PAPSS1: variants seen among roughly 807,000 people sequenced by gnomAD.
The protein encoded by PAPSS1 is bifunctional 3'-phosphoadenosine 5'-phosphosulfate synthase 1.
PAPSS1 carries 50 observed loss-of-function variants against 72.0 expected under a neutral mutation model. The ratio of observed to expected loss-of-function variants is 0.69; its 90% CI spans 0.55 to 0.88. PAPSS1 has a LOEUF of 0.88. Among genes scored for constraint, PAPSS1 ranks in the 40% least tolerant of loss-of-function variants. The pLI is 0.00. For synonymous variants in PAPSS1, 261 were observed against 263.6 expected, an observed-to-expected ratio of 0.99 and a Z score of 0.09; for missense variants, 657 against 782.2, an observed-to-expected ratio of 0.84 and a Z score of 1.91.
intron 6 of PAPSS1, among the ~76,000 whole-genome samples, chr4:107,657,992 A>C (rs1013774740): frequency 1.3e-5 from 2 of 152,108 alleles, no homozygotes; most frequent in African/African-American, 2.4e-5. Flanking sequence ...AAAAGGCTGA[A>C]TCCAATCATA....
chr4:107,661,689 A>AT (rs1254808060), intron 5 of PAPSS1, among the ~76,000 whole-genome samples: 7 of 152,208 alleles, frequency 4.6e-5, no homozygotes, highest in Admixed American at 2.6e-4. Context: ...ACAACAAAAA[A>AT]TGTAATTCAA....
In PAPSS1 at chr4:107,631,830, C is replaced by A. The variant is rs1726232475; in HGVS notation, c.1537G>T (p.Ala513Ser). ...VQWHCRARMVAGANFYIVGRD... is the reference protein window; with the variant it reads ...VQWHCRARMVSGANFYIVGRD... The stretch of plus-strand genomic sequence containing the variant: ...CCAACAATGTAAAAGTTGGCTCCTG[C>A]AACCATCCGTGCTCTGCAATGCCAC... Residue 513 changes from alanine to serine, a missense_variant, in exon 11 of 12, where the codon GCA becomes TCA. Physicochemically the swap from Ala to Ser is moderately conservative, Grantham distance 99. This residue lies in a region of PAPSS1 where 166 missense variants were observed against 228.3 expected (regional missense o/e 0.73). Transcript: ENST00000265174. 1 of 1,613,942 alleles carries A rather than the reference C, an allele frequency of 6.2e-7. No individual in the cohort carries two copies. The highest frequency in any genetic ancestry group is 8.5e-7 in the Non-Finnish European group (1 of 1,179,880).
Position 107,613,971 on chromosome 4 carries a change from G to T in PAPSS1, c.*278C>A. 2.8e-5 allele frequency: 6 copies of T among 215,000 alleles called. No homozygotes were observed. The highest frequency in any genetic ancestry group is 4.5e-5 in the Non-Finnish European group (5 of 110,112). The allele number at this position is 215,000 out of a possible 1,614,324, so 13.3% of individuals were successfully genotyped here. On this transcript the variant is annotated 3_prime_UTR_variant, in exon 12 of 12. Coordinates refer to ENST00000265174, the MANE Select transcript of PAPSS1 (RefSeq NM_005443.5). ...TAATATAACAGCTTGAAAAAATCAT[G>T]ACACAGAAGCATAAATATAATATAA...
rs1300525585 is a variant in PAPSS1, at chr4:107,613,707, T to G, written c.*542A>C. The G allele has an allele frequency of 2.0e-5, 3 of 152,132 alleles. No homozygotes were observed. The highest frequency in any genetic ancestry group is 4.4e-5 in the Non-Finnish European group (3 of 68,046). 9.4% of individuals were successfully genotyped at this position (152,132 alleles called of 1,614,324 possible). A position where few individuals can be genotyped will look rare whatever the true frequency, so the allele number is the denominator to read the frequency against. On this transcript the variant is annotated 3_prime_UTR_variant, in exon 12 of 12. Transcript: ENST00000265174. The stretch of plus-strand genomic sequence containing the variant: ...TAATTTTATTGAGTAAAGAAGTTCA[T>G]TCAGAGCTTACACAGATCATAAGAA...
chr4:107,709,191 A>G (rs972906457), intron 1 of PAPSS1, among the ~76,000 whole-genome samples: 1 of 152,252 alleles, frequency 6.6e-6, no homozygotes, highest in Non-Finnish European at 1.5e-5. Flanking sequence ...TAAAAAATAA[A>G]CTTAAAAAAA....
intron 5 of PAPSS1, among the ~76,000 whole-genome samples, chr4:107,674,920 C>T (rs1249833730): frequency 6.6e-6 from 1 of 152,172 alleles, no homozygotes; most frequent in Admixed American, 6.5e-5. Context: ...GAACAACCTG[C>T]TCCTGAACGA....
intron 6 of PAPSS1, among the ~76,000 whole-genome samples, chr4:107,659,413 T>C (rs1404980378): frequency 6.6e-6 from 1 of 152,198 alleles, no homozygotes; most frequent in African/African-American, 2.4e-5. Flanking sequence ...TTTTTTAAAG[T>C]ATACATAAAT....
intron 10 of PAPSS1, among the ~76,000 whole-genome samples, chr4:107,639,509 T>G (rs960174268): frequency 6.6e-6 from 1 of 152,192 alleles, no homozygotes; most frequent in African/African-American, 2.4e-5. Context: ...AATATTAATG[T>G]GCTTTAATAT....
At chr4:107,690,559 A>G (rs997431070) in intron 3 of PAPSS1, among the ~76,000 whole-genome samples, 1 of 152,178 alleles carries the variant, frequency 6.6e-6, no homozygotes, top group African/African-American at 2.4e-5. Context: ...CAACTCCTTC[A>G]GAATAGGAAG....
intron 5 of PAPSS1, among the ~76,000 whole-genome samples, chr4:107,679,627 T>C (rs1387383837): frequency 6.7e-6 from 1 of 150,088 alleles, no homozygotes; most frequent in East Asian, 2.0e-4. Context: ...GACAAAGAAA[T>C]CTCAACAAAA....
intron 3 of PAPSS1, among the ~76,000 whole-genome samples, chr4:107,688,867 AC>A (rs1722851443): frequency 6.6e-6 from 1 of 152,130 alleles, no homozygotes; most frequent in Non-Finnish European, 1.5e-5. Flanking sequence ...CATGTCCAAA[AC>A]TAAATCCAGT....
Position 107,682,008 on chromosome 4 carries a change from C to T in PAPSS1, c.669+7G>A, listed in dbSNP as rs758462358. 5.0e-6 allele frequency: 7 copies of T among 1,412,566 alleles called. No individual in the cohort carries two copies. The highest frequency in any genetic ancestry group is 1.4e-5 in the African/African-American group (1 of 70,050). 87.5% of individuals were successfully genotyped at this position (1,412,566 alleles called of 1,614,324 possible). ...CTCTGATGATTCCTTCTTTCATCCTCTCTTACCCGTTCCTGTAGAAGTTCC... is the reference window on the plus strand; with the variant it reads ...CTCTGATGATTCCTTCTTTCATCCTTTCTTACCCGTTCCTGTAGAAGTTCC... On this transcript the variant is annotated splice_region_variant and intron_variant, in intron 5 of 11. Transcript: ENST00000265174.
At chr4:107,621,606 A>ATTTTTT (rs1382723816) in intron 11 of PAPSS1, among the ~76,000 whole-genome samples, 6 of 50,508 alleles carry the variant, frequency 1.2e-4, no homozygotes, top group Non-Finnish European at 1.7e-4. Context: ...CAGGTTTTTT[A>ATTTTTT]TCTTTTTTTT....
intron 1 of PAPSS1, among the ~76,000 whole-genome samples, chr4:107,702,497 C>T (rs1043743460): frequency 6.6e-6 from 1 of 152,150 alleles, no homozygotes; most frequent in African/African-American, 2.4e-5. Flanking sequence ...TCCAACCATC[C>T]TCCTCGACCC....
chr4:107,677,343 AAAAC>A (rs1028167085), intron 5 of PAPSS1, among the ~76,000 whole-genome samples: 10 of 152,254 alleles, frequency 6.6e-5, no homozygotes, highest in Non-Finnish European at 1.2e-4. Flanking sequence ...TTACAAGGAA[AAAAC>A]AAACAACCCC....
At chr4:107,715,384 G>A (rs1356626102) in intron 1 of PAPSS1, among the ~76,000 whole-genome samples, 2 of 152,066 alleles carry the variant, frequency 1.3e-5, no homozygotes, top group African/African-American at 4.8e-5. Flanking sequence ...TTAAACCTGG[G>A]GATGGGGGAA....
At position 107,712,026 on chromosome 4, in the gene PAPSS1, A is replaced by G. The variant is rs142415398; in HGVS notation, c.60+8094T>C. On this transcript the variant is annotated intron_variant, in intron 1 of 11. Coordinates refer to ENST00000265174, the MANE Select transcript of PAPSS1 (RefSeq NM_005443.5). ...CGTCCTGAATCAGGACTAAGTTACT[A>G]GCATGCTTATCTCATCAGTACCATC... 4.5e-3 allele frequency among the ~76,000 whole-genome samples: 689 copies of G among 152,326 alleles called. 7 individuals carry two copies. The highest frequency in any genetic ancestry group is 0.015 in the African/African-American group (608 of 41,566).
At chr4:107,650,186 C>A (rs189719800) in intron 9 of PAPSS1, among the ~76,000 whole-genome samples, 2 of 152,288 alleles carry the variant, frequency 1.3e-5, no homozygotes. Flanking sequence ...CTGAACACAT[C>A]AGAACTGACT....
chr4:107,712,157 G>A (rs1723511664), intron 1 of PAPSS1, among the ~76,000 whole-genome samples: 2 of 152,136 alleles, frequency 1.3e-5, no homozygotes, highest in African/African-American at 4.8e-5. Flanking sequence ...ACCTTTAATG[G>A]AAGGGCCCTC....
Sources: allele counts gnomAD v4.1 joint callset (sites outside exome capture counted in the v4.1 genomes callset), GRCh38; gene constraint gnomAD v4.1.1; regional missense constraint gnomAD v4.1.1; transcripts MANE v1.5; gene names NCBI Gene and HGNC (gene_info 2026-07-23, HGNC 2026-07-21).